The following CCDC195 variants were observed in gnomAD, a reference collection of about 807,000 sequenced individuals.
The protein encoded by CCDC195 is coiled-coil domain containing 195, also known as coiled-coil domain-containing protein 195.
chr2:224,715,530 T>C (rs1689368736), intron 1 of CCDC195, among the ~76,000 whole-genome samples: 1 of 152,226 alleles, frequency 6.6e-6, no homozygotes, highest in African/African-American at 2.4e-5. Context: ...TAGGAAATAG[T>C]ATCTGCCATT....
At chr2:224,707,424 T>G (rs1272305298) in intron 2 of CCDC195, among the ~76,000 whole-genome samples, 1 of 152,232 alleles carries the variant, frequency 6.6e-6, no homozygotes, top group Admixed American at 6.5e-5. Context: ...CTTCTGCATT[T>G]GCTCTTCTCA....
At chr2:224,713,313 T>C (rs1291894390) in intron 1 of CCDC195, among the ~76,000 whole-genome samples, 1 of 152,222 alleles carries the variant, frequency 6.6e-6, no homozygotes, top group Non-Finnish European at 1.5e-5. Flanking sequence ...TGTCCAATGA[T>C]ATTATGACAA....
chr2:224,716,342 C>T (rs1689382376), exon 1 of CCDC195: 1 of 398,522 alleles, frequency 2.5e-6, no homozygotes, highest in Non-Finnish European at 4.4e-6. Flanking sequence ...GGATAAGTCT[C>T]ATGAGCTGGA....
intron 1 of CCDC195, among the ~76,000 whole-genome samples, chr2:224,713,801 G>GTT (rs1312798950): frequency 1.7e-4 from 11 of 65,430 alleles, no homozygotes; most frequent in African/African-American, 4.2e-4. Context: ...TTTTTCACCA[G>GTT]TATTTTTTTT....
At chr2:224,709,845 T>C (rs928798261) in intron 2 of CCDC195, 128 bp downstream of exon 2, 3 of 397,146 alleles carry the variant, frequency 7.6e-6, no homozygotes, top group African/African-American at 6.2e-5. Flanking sequence ...ATAGGTAATA[T>C]GGAAATTATT....
chr2:224,705,415 T>C (rs1199728537), intron 2 of CCDC195, among the ~76,000 whole-genome samples: 1 of 152,226 alleles, frequency 6.6e-6, no homozygotes, highest in Non-Finnish European at 1.5e-5. Context: ...ATCCTGTTTT[T>C]AGTTTCTGGA....
At chr2:224,704,535 G>T (rs1697214601) in intron 2 of CCDC195, among the ~76,000 whole-genome samples, 1 of 149,080 alleles carries the variant, frequency 6.7e-6, no homozygotes, top group African/African-American at 2.5e-5. Context: ...AGATAAGGCT[G>T]TAATTTCACT....
At chr2:224,714,278 C>A (rs551586306) in intron 1 of CCDC195, among the ~76,000 whole-genome samples, 1 of 151,944 alleles carries the variant, frequency 6.6e-6, no homozygotes, top group East Asian at 1.9e-4. Context: ...ATGTTTAGAC[C>A]CTGAGAATTT....
At chr2:224,710,889 C>T (rs1202459345) in intron 1 of CCDC195, among the ~76,000 whole-genome samples, 1 of 152,100 alleles carries the variant, frequency 6.6e-6, no homozygotes, top group Non-Finnish European at 1.5e-5. Flanking sequence ...GGAAGGTGTT[C>T]GGAGGCTATT....
At chr2:224,716,008 G>A (rs1428718519) in intron 1 of CCDC195, 123 bp downstream of exon 1, 7 of 396,566 alleles carry the variant, frequency 1.8e-5, no homozygotes, top group Non-Finnish European at 2.7e-5. Flanking sequence ...TAGGAGGAAA[G>A]GGATGAAACC....
At chr2:224,705,782 G>T (rs562575389) in intron 2 of CCDC195, among the ~76,000 whole-genome samples, 3 of 152,190 alleles carry the variant, frequency 2.0e-5, no homozygotes, top group African/African-American at 7.2e-5. Flanking sequence ...GCCAATACTG[G>T]CTTTCTTCCT....
At position 224,710,334 on chromosome 2, in the gene CCDC195, CT is replaced by C. The variant is rs566741781; in HGVS notation, c.236-116del. The C allele has an allele frequency of 5.0e-5, 20 of 396,606 alleles. No individual in the cohort carries two copies. The East Asian group carries it at 7.1e-4, about 14-fold the overall frequency. The allele number at this position is 396,606 out of a possible 1,614,324, so 24.6% of individuals were successfully genotyped here. ...TAGACAGAACTATTGTTTCTCATTA[CT>C]TTTTTGGCATAAAAGATATCCATTT... On this transcript the variant is annotated intron_variant, in intron 1 of 2. Transcript: ENST00000638102.
At chr2:224,711,671 C>A (rs1200225089) in intron 1 of CCDC195, among the ~76,000 whole-genome samples, 70 of 152,238 alleles carry the variant, frequency 4.6e-4, no homozygotes, top group South Asian at 2.1e-4. Context: ...CGTAAAAAAA[C>A]CACTGCATTA....
intron 1 of CCDC195, among the ~76,000 whole-genome samples, chr2:224,712,307 G>T (rs1258599153): frequency 6.6e-6 from 1 of 152,220 alleles, no homozygotes; most frequent in Admixed American, 6.5e-5. Flanking sequence ...GCTGTAAAGG[G>T]TTGTTTCTTT....
exon 2 of CCDC195, chr2:224,710,045 A>G (rs1689295556): frequency 2.5e-6 from 1 of 398,424 alleles, no homozygotes; most frequent in Non-Finnish European, 4.4e-6. Context: ...TGTGGCAAAC[A>G]CCTTTTCTTC....
At chr2:224,707,972 T>TTCCCTCCCTTCCTCCC (rs1553548976) in intron 2 of CCDC195, among the ~76,000 whole-genome samples, 2 of 59,104 alleles carry the variant, frequency 3.4e-5, no homozygotes, top group East Asian at 5.6e-4. Flanking sequence ...CCCTCCCTTC[T>TTCCCTCCCTTCCTCCC]TCCCTCCCTC....
chr2:224,714,681 C>T (rs1574758014), intron 1 of CCDC195, among the ~76,000 whole-genome samples: 3 of 152,196 alleles, frequency 2.0e-5, no homozygotes, highest in Admixed American at 6.5e-5. Flanking sequence ...TAAATGTCCA[C>T]ATCCTTTTTT....
chr2:224,704,830 C>T (rs2124846060), intron 2 of CCDC195, among the ~76,000 whole-genome samples: 1 of 152,168 alleles, frequency 6.6e-6, no homozygotes, highest in South Asian at 2.1e-4. Context: ...CCATGTTGGC[C>T]AGGCTCGTCT....
chr2:224,706,037 A>G (rs1269326227), intron 2 of CCDC195, among the ~76,000 whole-genome samples: 2 of 152,082 alleles, frequency 1.3e-5, no homozygotes, highest in Non-Finnish European at 2.9e-5. Flanking sequence ...GTTTAAGTGC[A>G]AAAAGTAAAA....
Sources: gnomAD v4.1 joint callset for allele counts (sites outside exome capture counted in the v4.1 genomes callset) on GRCh38, gnomAD v4.1.1 for gene constraint, MANE v1.5 for transcripts, NCBI Gene and HGNC (gene_info 2026-07-23, HGNC 2026-07-21) for gene names.